ADCY8: variants seen among roughly 807,000 people sequenced by gnomAD.
The protein encoded by ADCY8 is adenylate cyclase 8.
ADCY8 carries 51 observed loss-of-function variants against 119.7 expected under a neutral mutation model. The observed-to-expected ratio is 0.43, with a 90% CI of 0.34 to 0.54. The LOEUF is 0.54. ADCY8 is among the 20% of genes least tolerant of loss of function. The pLI is 0.03. For missense variants in ADCY8, 1,383 were observed against 1,598.8 expected (o/e 0.87, Z 2.30); for synonymous variants, 665 against 651.0 (o/e 1.02, Z -0.33).
intron 11 of ADCY8, among the ~76,000 whole-genome samples, chr8:130,840,477 A>G (rs1817105902): frequency 2.0e-5 from 3 of 151,956 alleles, no homozygotes; most frequent in Non-Finnish European, 4.4e-5. Flanking sequence ...TGCCCGAAGA[A>G]TAAAGAGCTC....
At chr8:131,002,383 G>A (rs2130764584) in intron 1 of ADCY8, among the ~76,000 whole-genome samples, 1 of 152,152 alleles carries the variant, frequency 6.6e-6, no homozygotes, top group East Asian at 1.9e-4. Flanking sequence ...TTATCGCGAA[G>A]GTTAAACTCT....
Position 130,937,171 on chromosome 8 carries a change from C to A in ADCY8, c.1383G>T (p.Leu461=). 6.2e-7 allele frequency: 1 copy of A among 1,613,728 alleles called. No homozygotes were observed. The highest frequency in any genetic ancestry group is 1.1e-5 in the South Asian group (1 of 91,044). ...HEHHCLRIKI[L]GDCYYCVSGL... ...CAGACACGCAGTAGTAGCAGTCCCC[C>A]AGGATTTTAATACGAAGGCAGTGAT... The change falls in exon 5 of 18, where the codon CTG becomes CTT. Residue 461 remains leucine, a synonymous_variant. Transcript: ENST00000286355.
At chr8:130,814,645 A>G (rs1237938332) in intron 13 of ADCY8, among the ~76,000 whole-genome samples, 2 of 152,194 alleles carry the variant, frequency 1.3e-5, no homozygotes, top group African/African-American at 2.4e-5. Context: ...ATCATGGTGG[A>G]AGATGAAGGA....
chr8:130,989,599 T>C (rs957878920), intron 2 of ADCY8, among the ~76,000 whole-genome samples: 4 of 152,204 alleles, frequency 2.6e-5, no homozygotes, highest in African/African-American at 9.7e-5. Context: ...ATGCTACAAG[T>C]TGATGCTAAA....
At chr8:130,891,249 A>G (rs542651107) in intron 7 of ADCY8, among the ~76,000 whole-genome samples, 1 of 152,120 alleles carries the variant, frequency 6.6e-6, no homozygotes, top group Non-Finnish European at 1.5e-5. Flanking sequence ...TCCACCTTTC[A>G]GTTCTTATGA....
At chr8:130,955,991 A>C (rs1407653376) in intron 2 of ADCY8, among the ~76,000 whole-genome samples, 1 of 152,156 alleles carries the variant, frequency 6.6e-6, no homozygotes, top group Non-Finnish European at 1.5e-5. Context: ...CCAAAAATTT[A>C]ATAATTAGCC....
chr8:131,013,511 C>A (rs1342202936), intron 1 of ADCY8, among the ~76,000 whole-genome samples: 1 of 151,972 alleles, frequency 6.6e-6, no homozygotes, highest in Non-Finnish European at 1.5e-5. Flanking sequence ...TGTATCTCTG[C>A]CACAAGACCC....
At chr8:131,032,609 T>C (rs962025372) in intron 1 of ADCY8, among the ~76,000 whole-genome samples, 18 of 152,280 alleles carry the variant, frequency 1.2e-4, no homozygotes, top group Admixed American at 9.8e-4. Context: ...GTGGAATGTC[T>C]GGCATCTCCA....
chr8:130,889,924 A>G (rs756086691), intron 7 of ADCY8, among the ~76,000 whole-genome samples: 1 of 151,992 alleles, frequency 6.6e-6, no homozygotes, highest in Non-Finnish European at 1.5e-5. Flanking sequence ...CAGTAAGCCT[A>G]CTCTGAGGCT....
chr8:130,986,737 T>G (rs1822413413), intron 2 of ADCY8, among the ~76,000 whole-genome samples: 2 of 152,336 alleles, frequency 1.3e-5, no homozygotes, highest in South Asian at 4.1e-4. Context: ...AGATCCAGTG[T>G]GGCATGCTGT....
rs144164785 is a variant in ADCY8, at chr8:130,952,563, T to A, written c.1111-565A>T. On this transcript the variant is annotated intron_variant, in intron 2 of 17. Coordinates refer to ENST00000286355, the MANE Select transcript of ADCY8 (RefSeq NM_001115.3). ...CAATGAGGTTGGAGGTGTAGCTAGA[T>A]CTTGCAGGTGAGCATACAATGTTTG... 5.5e-4 allele frequency among the ~76,000 whole-genome samples: 84 copies of A among 152,334 alleles called. 2 individuals are homozygous for A. The Middle Eastern group carries it at 0.017, about 31-fold the overall frequency.
chr8:131,004,972 T>G (rs972406108), intron 1 of ADCY8, among the ~76,000 whole-genome samples: 2 of 152,176 alleles, frequency 1.3e-5, no homozygotes, highest in Non-Finnish European at 2.9e-5. Flanking sequence ...CCTCTGAGTC[T>G]ATTTTAGTTT....
chr8:130,839,134 G>C lies in ADCY8; in HGVS notation c.2503-2685C>G, dbSNP rs1476577520. Among the ~76,000 whole-genome samples the C allele has an allele frequency of 1.4e-5, 2 of 139,638 alleles. 1 individual carries two copies. The highest frequency in any genetic ancestry group is 4.5e-4 in the East Asian group (2 of 4,470). 91.6% of individuals were successfully genotyped at this position (139,638 alleles called of 152,430 possible). A position where few individuals can be genotyped will look rare whatever the true frequency, so the allele number is the denominator to read the frequency against. On this transcript the variant is annotated intron_variant, in intron 11 of 17. Coordinates refer to ENST00000286355, the MANE Select transcript of ADCY8 (RefSeq NM_001115.3). ...AGAGAATCATACAACTACTCATAAA[G>C]AGAACTAGTAACACAAGCAGAAGAA...
At chr8:130,797,236 G>A (rs926712798) in intron 15 of ADCY8, among the ~76,000 whole-genome samples, 12 of 151,696 alleles carry the variant, frequency 7.9e-5, no homozygotes, top group South Asian at 2.1e-4. Flanking sequence ...TTTTTTTTGC[G>A]AATTTTTTTA....
intron 1 of ADCY8, among the ~76,000 whole-genome samples, chr8:131,038,183 C>T (rs1425496047): frequency 1.3e-5 from 2 of 152,188 alleles, no homozygotes; most frequent in Non-Finnish European, 2.9e-5. Context: ...GCAATCTAAA[C>T]ATCATGAACA....
At position 130,951,950 on chromosome 8, in the gene ADCY8, T is replaced by C. The variant is rs1821286738; in HGVS notation, c.1159A>G (p.Ile387Val). 1.2e-6 allele frequency: 2 copies of C among 1,613,930 alleles called. No homozygotes were observed. Among genetic ancestry groups the C allele is most frequent in the African/African-American group, 2.7e-5 (2 of 74,854 alleles). Residue 387 changes from isoleucine (I) to valine (V), a missense_variant, in exon 3 of 18, where the codon ATC (isoleucine) becomes GTC (valine). Around this residue, in one of 2 missense-constraint regions of ADCY8, gnomAD observed 928 missense variants for 1,163.5 expected, o/e 0.80. Coordinates refer to ENST00000286355, the MANE Select transcript of ADCY8 (RefSeq NM_001115.3). Reference protein sequence around the residue: ...VLPRFVVLEMINDMTNVEDEH... With the variant: ...VLPRFVVLEMVNDMTNVEDEH... The stretch of plus-strand genomic sequence containing the variant: ...TCTTCCACATTGGTCATGTCGTTGA[T>C]CATTTCCAGGACAACAAACCGGGGG...
intron 11 of ADCY8, among the ~76,000 whole-genome samples, chr8:130,837,123 T>C (rs1817013685): frequency 6.6e-6 from 1 of 152,184 alleles, no homozygotes; most frequent in South Asian, 2.1e-4. Flanking sequence ...AATAGCTTTT[T>C]GGCAGCTCTG....
chr8:130,825,791 T>C (rs556457373), intron 12 of ADCY8, among the ~76,000 whole-genome samples: 9 of 152,324 alleles, frequency 5.9e-5, no homozygotes, highest in Admixed American at 4.6e-4. Flanking sequence ...TTTTACTTTT[T>C]AATTGAGCAG....
At chr8:130,892,263 G>T (rs112429914) in intron 7 of ADCY8, 2,585 of 152,190 alleles carry the variant, frequency 0.017, 34 homozygotes, top group Non-Finnish European at 0.026. Context: ...ATGTCAGTCT[G>T]GGGCTCAGGT....
Sources: gnomAD v4.1 joint callset for allele counts (sites outside exome capture counted in the v4.1 genomes callset) on GRCh38, gnomAD v4.1.1 for gene constraint, gnomAD v4.1.1 regional missense constraint, MANE v1.5 for transcripts, NCBI Gene and HGNC (gene_info 2026-07-23, HGNC 2026-07-21) for gene names.